Variants in CPQ observed in about 807,000 individuals in gnomAD.
CPQ encodes the protein carboxypeptidase Q.
CPQ carries 37 observed loss-of-function variants against 45.7 expected under a neutral mutation model. That is an observed-to-expected ratio of 0.81 (90% CI 0.62 to 1.07). The LOEUF is 1.07. Ranked by LOEUF, CPQ falls within the 50% of genes least tolerant of loss-of-function variation. CPQ has a pLI of 0.00. For missense variants in CPQ, 537 were observed against 572.9 expected, an observed-to-expected ratio of 0.94 and a Z score of 0.64; for synonymous variants, 186 against 205.8, an observed-to-expected ratio of 0.90 and a Z score of 0.82.
chr8:96,778,819 C>T (rs1420432258), intron 1 of CPQ, among the ~76,000 whole-genome samples: 1 of 152,078 alleles, frequency 6.6e-6, no homozygotes, highest in Non-Finnish European at 1.5e-5. Flanking sequence ...GTAATCCCAG[C>T]ACTTTGGGAG....
chr8:96,861,354 G>A (rs1351692643), intron 3 of CPQ, among the ~76,000 whole-genome samples: 1 of 152,138 alleles, frequency 6.6e-6, no homozygotes, highest in Non-Finnish European at 1.5e-5. Flanking sequence ...AGTGAAAAGG[G>A]CAAGAAGTTA....
chr8:96,685,679 CT>C (rs1285716652), intron 1 of CPQ, among the ~76,000 whole-genome samples: 1 of 152,008 alleles, frequency 6.6e-6, no homozygotes, highest in African/African-American at 2.4e-5. Flanking sequence ...CATTTGTGTT[CT>C]TTTTCAGAAT....
chr8:96,704,416 A>T (rs111720269), intron 1 of CPQ, among the ~76,000 whole-genome samples: 1,715 of 152,196 alleles, frequency 0.011, 32 homozygotes, highest in African/African-American at 0.039. Context: ...TGGTAATGCT[A>T]GGAAGTGTAT....
intron 3 of CPQ, among the ~76,000 whole-genome samples, chr8:96,860,059 A>G (rs1811906147): frequency 6.6e-6 from 1 of 152,142 alleles, no homozygotes. Flanking sequence ...CCCTAGTACC[A>G]AACAGTTCTA....
intron 7 of CPQ, among the ~76,000 whole-genome samples, chr8:97,123,191 AAAT>A (rs1811780890): frequency 7.8e-6 from 1 of 127,500 alleles, no homozygotes; most frequent in African/African-American, 2.9e-5. Context: ...AAATAAAATA[AAAT>A]AAAATAAAAT....
intron 1 of CPQ, among the ~76,000 whole-genome samples, chr8:96,681,614 C>T (rs2464484): frequency 0.71 from 107,797 of 152,110 alleles, 38,625 homozygotes; most frequent in Middle Eastern, 0.82. Flanking sequence ...TGGAACCCAA[C>T]ACAGAAACCC....
At chr8:96,753,510 G>C (rs1810289497) in intron 1 of CPQ, among the ~76,000 whole-genome samples, 1 of 139,194 alleles carries the variant, frequency 7.2e-6, no homozygotes, top group Non-Finnish European at 1.7e-5. Context: ...ATTTGTTTAA[G>C]TTTTCTTCTA....
chr8:96,840,326 G>C (rs1811589706), intron 3 of CPQ, among the ~76,000 whole-genome samples: 1 of 152,142 alleles, frequency 6.6e-6, no homozygotes, highest in Admixed American at 6.5e-5. Context: ...AAGAATTCAG[G>C]GTAGCAGATT....
intron 1 of CPQ, among the ~76,000 whole-genome samples, chr8:96,769,654 C>G (rs1023273334): frequency 2.5e-5 from 3 of 120,948 alleles, no homozygotes; most frequent in African/African-American, 9.7e-5. Context: ...TTTTTTGAGA[C>G]AGGGTCTGGC....
chr8:96,924,306 A>G (rs959845704), intron 4 of CPQ, among the ~76,000 whole-genome samples: 4 of 152,168 alleles, frequency 2.6e-5, no homozygotes, highest in African/African-American at 9.7e-5. Context: ...TACTCTATGT[A>G]ATGTGCAGAA....
chr8:97,049,909 C>T (rs1810328737), intron 6 of CPQ, among the ~76,000 whole-genome samples: 1 of 152,158 alleles, frequency 6.6e-6, no homozygotes, highest in East Asian at 1.9e-4. Context: ...AAAGGTGTAC[C>T]CTTGTGGTTG....
intron 6 of CPQ, among the ~76,000 whole-genome samples, chr8:97,051,852 T>C (rs1006778402): frequency 6.6e-6 from 1 of 152,210 alleles, no homozygotes; most frequent in African/African-American, 2.4e-5. Flanking sequence ...GCAAGCACTA[T>C]AGAGGTGGGT....
chr8:97,112,683 C>A (rs909763358), intron 7 of CPQ, among the ~76,000 whole-genome samples: 1 of 152,200 alleles, frequency 6.6e-6, no homozygotes, highest in Non-Finnish European at 1.5e-5. Flanking sequence ...TTTGCAAAGG[C>A]CGTGCTGCAG....
chr8:97,036,254 G>C (rs1236864479), intron 6 of CPQ, among the ~76,000 whole-genome samples: 2 of 152,154 alleles, frequency 1.3e-5, no homozygotes, highest in Non-Finnish European at 2.9e-5. Flanking sequence ...TTCCCTCAAA[G>C]GGCATGAGGA....
intron 1 of CPQ, among the ~76,000 whole-genome samples, chr8:96,708,544 TA>T (rs1403734228): frequency 6.6e-6 from 1 of 151,948 alleles, no homozygotes; most frequent in African/African-American, 2.4e-5. Flanking sequence ...AACTTAATTT[TA>T]AAAGAGGACT....
Position 97,039,306 on chromosome 8 carries a change from T to C in CPQ, c.1053+9812T>C, listed in dbSNP as rs75725610. ...TATCTATTTTAAATGTTTACACATA[T>C]AGAAGGGTCTTTTAGAGAAATGAAC... is the stretch of plus-strand genomic sequence containing the variant. On this transcript the variant is annotated intron_variant, in intron 6 of 7. Coordinates refer to ENST00000220763, the MANE Select transcript of CPQ (RefSeq NM_016134.4). Among the ~76,000 whole-genome samples, 318 of 152,336 alleles carry C rather than the reference T, an allele frequency of 2.1e-3. 6 individuals are homozygous for C. The highest frequency in any genetic ancestry group is 0.016 in the Admixed American group (239 of 15,298).
chr8:96,939,355 G>A (rs962936321), intron 4 of CPQ, among the ~76,000 whole-genome samples: 4 of 152,148 alleles, frequency 2.6e-5, no homozygotes, highest in Admixed American at 6.6e-5. Flanking sequence ...CCTGTTGTGC[G>A]GCCATATTCC....
At chr8:96,791,734 G>A (rs1182989324) in intron 2 of CPQ, among the ~76,000 whole-genome samples, 3 of 152,146 alleles carry the variant, frequency 2.0e-5, no homozygotes, top group Non-Finnish European at 4.4e-5. Flanking sequence ...TCTAATCCAG[G>A]CAGAGTGGTG....
At chr8:96,865,329 G>T (rs1454206435) in intron 3 of CPQ, among the ~76,000 whole-genome samples, 1 of 152,010 alleles carries the variant, frequency 6.6e-6, no homozygotes, top group Non-Finnish European at 1.5e-5. Flanking sequence ...GGAGTAGAGA[G>T]GCGGGTGTTG....
Sources: gnomAD v4.1 joint callset for allele counts (sites outside exome capture counted in the v4.1 genomes callset) on GRCh38, gnomAD v4.1.1 for gene constraint, MANE v1.5 for transcripts, NCBI Gene and HGNC (gene_info 2026-07-23, HGNC 2026-07-21) for gene names.